The following CFAP47 variants were observed in gnomAD, a reference collection of about 807,000 sequenced individuals.
CFAP47 encodes the protein cilia- and flagella-associated protein 47.
A neutral mutation model predicts 148.1 loss-of-function variants in CFAP47; 29 were observed. The ratio of observed to expected loss-of-function variants is 0.20; its 90% CI spans 0.15 to 0.27. The LOEUF is 0.27. Among genes scored for constraint, CFAP47 ranks in the 10% least tolerant of loss-of-function variants. CFAP47 has a pLI of 1.00. For missense variants in CFAP47, 1,872 were observed against 1,697.5 expected (o/e 1.10, Z -1.81); for synonymous variants, 664 against 577.3 (o/e 1.15, Z -2.15).
At chrX:36,171,444 G>A (rs1939577565) in intron 39 of CFAP47, among the ~76,000 whole-genome samples, 3 of 107,964 alleles carry the variant, frequency 2.8e-5, no homozygotes, top group African/African-American at 1.0e-4. Flanking sequence ...TAACGTTTAA[G>A]TCTTTAATCC....
At position 35,937,740 on chromosome X, in the gene CFAP47, T is replaced by G. The variant is rs752237816; in HGVS notation, c.402-3543T>G. Among the ~76,000 whole-genome samples the G allele has an allele frequency of 1.7e-4, 18 of 105,212 alleles. No individual in the cohort carries two copies. The South Asian group carries it at 7.5e-3, about 44-fold the overall frequency. The allele number at this position is 105,212 out of a possible 115,157, so 91.4% of individuals were successfully genotyped here. On this transcript the variant is annotated intron_variant, in intron 2 of 63. Coordinates refer to ENST00000378653, the MANE Select transcript of CFAP47 (RefSeq NM_001304548.2). The stretch of plus-strand genomic sequence containing the variant: ...CAACTGGATCTGAACTACTCCCTAA[T>G]GGCATGACTGGAATGTGATTAAAAA...
chrX:36,000,078 AAG>A lies in CFAP47; in HGVS notation c.3178-204_3178-203del, dbSNP rs778956254. 2.7e-5 allele frequency among the ~76,000 whole-genome samples: 3 copies of A among 111,076 alleles called. No homozygotes were observed. In the Admixed American group the frequency reaches 2.9e-4, roughly 11 times the overall value. On this transcript the variant is annotated intron_variant, in intron 19 of 63. Transcript: ENST00000378653. ...TTACAATATGGACAAGAGGTGAAGA[AAG>A]GGGAAGAATTAATAGGATTTATTAA...
intron 51 of CFAP47, among the ~76,000 whole-genome samples, chrX:36,297,394 T>C (rs1357927957): frequency 8.9e-6 from 1 of 112,498 alleles, no homozygotes; most frequent in African/African-American, 3.2e-5. Context: ...CAGCTCCATG[T>C]TCTAAAGTAC....
chrX:36,243,140 G>A (rs1940566636), intron 48 of CFAP47, among the ~76,000 whole-genome samples: 1 of 111,299 alleles, frequency 9.0e-6, no homozygotes, highest in African/African-American at 3.3e-5. Flanking sequence ...AATGCTGAGG[G>A]AATTTGTTAC....
chrX:35,970,789 A>G lies in CFAP47; in HGVS notation c.1836A>G (p.Pro612=), dbSNP rs754471317. The change falls in exon 11 of 64, where the codon CCA becomes CCG. Residue 612 remains proline (P), a synonymous_variant. Transcript: ENST00000378653. ...GCAGGCCAATTTTCACAAAAGTTCC[A>G]AGATTTAACTATGTGAATCATGATT... ...KHFRPIFTKV[P]RFNYVNHDFA... is the part of the protein sequence containing the mutation. The G allele has an allele frequency of 1.2e-5, 14 of 1,171,090 alleles. No individual in the cohort carries two copies.
chrX:35,963,621 A>T (rs1211164936), intron 8 of CFAP47, among the ~76,000 whole-genome samples: 1 of 111,333 alleles, frequency 9.0e-6, no homozygotes, highest in Non-Finnish European at 1.9e-5. Context: ...TTTGTTTTCT[A>T]TAATTACATA....
intron 40 of CFAP47, among the ~76,000 whole-genome samples, chrX:36,184,523 G>T (rs781839906): frequency 1.8e-5 from 2 of 111,905 alleles, no homozygotes; most frequent in Non-Finnish European, 3.8e-5. Flanking sequence ...GAGCTTAGGG[G>T]CTTCATCATT....
chrX:36,328,786 C>T (rs1205015316), intron 57 of CFAP47, among the ~76,000 whole-genome samples: 3 of 92,137 alleles, frequency 3.3e-5, no homozygotes, highest in African/African-American at 8.2e-5. Context: ...GTCCGCAGTC[C>T]GGCCTGGGTG....
At chrX:36,180,668 G>T (rs779216106) in intron 40 of CFAP47, among the ~76,000 whole-genome samples, 35 of 112,170 alleles carry the variant, frequency 3.1e-4, no homozygotes, top group Non-Finnish European at 6.2e-4. Flanking sequence ...TATATGAGTT[G>T]CATCTATTAT....
intron 44 of CFAP47, among the ~76,000 whole-genome samples, chrX:36,204,425 G>C (rs1406109715): frequency 9.2e-6 from 1 of 109,020 alleles, no homozygotes; most frequent in Non-Finnish European, 1.9e-5. Context: ...ACCAGGGACT[G>C]TTGTGGGGTT....
chrX:36,296,215 G>A (rs1941240903), intron 51 of CFAP47, among the ~76,000 whole-genome samples: 1 of 112,005 alleles, frequency 8.9e-6, no homozygotes, highest in Admixed American at 9.5e-5. Flanking sequence ...CTTAAGATCT[G>A]GCCAACTGTA....
intron 2 of CFAP47, among the ~76,000 whole-genome samples, chrX:35,930,785 G>A (rs776290409): frequency 9.0e-6 from 1 of 111,378 alleles, no homozygotes; most frequent in Non-Finnish European, 1.9e-5. Flanking sequence ...TGCATCTGTA[G>A]TGATATCCTT....
At chrX:35,933,989 T>C (rs1935871354) in intron 2 of CFAP47, among the ~76,000 whole-genome samples, 1 of 111,810 alleles carries the variant, frequency 8.9e-6, no homozygotes, top group Admixed American at 9.5e-5. Context: ...GACAGATGTG[T>C]AGTTTGCAAA....
chrX:36,275,085 C>CT (rs1556002446), intron 49 of CFAP47, among the ~76,000 whole-genome samples: 2 of 110,373 alleles, frequency 1.8e-5, no homozygotes, highest in Admixed American at 9.7e-5. Context: ...TTTTTCTTTT[C>CT]TTTTTTTTCT....
chrX:36,297,060 G>A (rs1941249640), intron 51 of CFAP47, among the ~76,000 whole-genome samples: 1 of 111,679 alleles, frequency 9.0e-6, no homozygotes, highest in Non-Finnish European at 1.9e-5. Context: ...CATTGTAGAA[G>A]ACTATTTTTC....
At chrX:36,124,584 C>T (rs1938803104) in intron 33 of CFAP47, among the ~76,000 whole-genome samples, 1 of 111,407 alleles carries the variant, frequency 9.0e-6, no homozygotes, top group African/African-American at 3.3e-5. Flanking sequence ...ACAATTGCTG[C>T]AATATCCCTC....
chrX:36,171,129 C>A (rs1403304545), intron 39 of CFAP47, among the ~76,000 whole-genome samples: 9 of 109,606 alleles, frequency 8.2e-5, no homozygotes, highest in African/African-American at 3.0e-4. Flanking sequence ...CCTTTGCCCA[C>A]TTTTTGATGG....
chrX:36,170,129 A>T (rs1322662674), intron 39 of CFAP47, among the ~76,000 whole-genome samples: 1 of 111,292 alleles, frequency 9.0e-6, no homozygotes. Context: ...AACTCCACTG[A>T]TCTTACCAAA....
intron 59 of CFAP47, among the ~76,000 whole-genome samples, chrX:36,351,767 T>C (rs1941744850): frequency 8.9e-6 from 1 of 111,792 alleles, no homozygotes; most frequent in South Asian, 3.7e-4. Flanking sequence ...GTATTAGTTA[T>C]TAAATCATTT....
Sources: allele counts gnomAD v4.1 joint callset (sites outside exome capture counted in the v4.1 genomes callset), GRCh38; gene constraint gnomAD v4.1.1; transcripts MANE v1.5; gene names NCBI Gene and HGNC (gene_info 2026-07-23, HGNC 2026-07-21).